Variants in SCN1A observed in about 807,000 individuals in gnomAD.
SCN1A encodes sodium voltage-gated channel alpha subunit 1.
SCN1A carries 13 observed loss-of-function variants against 193.7 expected under a neutral mutation model. The observed-to-expected ratio is 0.07, with a 90% CI of 0.04 to 0.11. The LOEUF (loss-of-function observed/expected upper bound fraction) is 0.11, where lower values mean the gene tolerates loss of function less well. Ranked by LOEUF, SCN1A falls within the 10% of genes least tolerant of loss-of-function variation. The pLI is 1.00. For synonymous variants in SCN1A, 781 were observed against 843.6 expected, an observed-to-expected ratio of 0.93 and a Z score of 1.29; for missense variants, 1,432 against 2,451.1, an observed-to-expected ratio of 0.58 and a Z score of 8.78.
chr2:166,116,878 A>G (rs1330251252), intron 2 of SCN1A, among the ~76,000 whole-genome samples: 1 of 152,190 alleles, frequency 6.6e-6, no homozygotes, highest in African/African-American at 2.4e-5. Flanking sequence ...CATATTTCTA[A>G]AAGAAAAAGA....
chr2:165,994,205 T>A lies in SCN1A; in HGVS notation c.4793A>T (p.Tyr1598Phe), dbSNP rs377325221. ...AATATTCCATCCAATGGTAAAATAATAATGGCGTAGAGAGATGAGTTTCAG... is the reference window on the plus strand; with the variant it reads ...AATATTCCATCCAATGGTAAAATAAAAATGGCGTAGAGAGATGAGTTTCAG... ...CVLKLISLRH[Y>F]YFTIGWNIFD... Residue 1598 changes from tyrosine to phenylalanine, a missense_variant, in exon 28 of 29, where the codon TAT becomes TTT. Physicochemically the swap from Tyr to Phe is conservative, Grantham distance 22. Transcript: ENST00000674923. 1.2e-5 allele frequency: 20 copies of A among 1,612,642 alleles called. No individual in the cohort carries two copies. The highest frequency in any genetic ancestry group is 1.6e-5 in the Non-Finnish European group (19 of 1,179,184).
intron 2 of SCN1A, among the ~76,000 whole-genome samples, chr2:166,090,519 G>T (rs1440194717): frequency 6.6e-6 from 1 of 152,096 alleles, no homozygotes; most frequent in Non-Finnish European, 1.5e-5. Flanking sequence ...AAGTGAAAGG[G>T]CAAATAGGAA....
At chr2:166,101,484 A>G (rs1203219138) in intron 2 of SCN1A, among the ~76,000 whole-genome samples, 2 of 131,440 alleles carry the variant, frequency 1.5e-5, no homozygotes, top group Admixed American at 1.6e-4. Context: ...CAATGTGCAC[A>G]TGTACCCTAA....
At chr2:165,997,248 G>T (rs1159782303) in intron 26 of SCN1A, among the ~76,000 whole-genome samples, 1 of 151,238 alleles carries the variant, frequency 6.6e-6, no homozygotes, top group Non-Finnish European at 1.5e-5. Flanking sequence ...ACTGGGGAAT[G>T]AATAAGTAAA....
intron 2 of SCN1A, among the ~76,000 whole-genome samples, chr2:166,084,518 G>A (rs377555331): frequency 6.6e-6 from 1 of 152,054 alleles, no homozygotes; most frequent in Non-Finnish European, 1.5e-5. Flanking sequence ...GTCAGCAATT[G>A]TCTTTTTATT....
In SCN1A at chr2:166,068,580, T is replaced by C. The variant is rs537649003; in HGVS notation, c.264+4778A>G. On this transcript the variant is annotated intron_variant, in intron 4 of 28. Transcript: ENST00000674923. ...TCCTCTTTTCTGATTTCCCGTTAAT[T>C]ACTTTTGCAAGAAAAACTCCATAAT... Among the ~76,000 whole-genome samples, 28 of 152,294 alleles carry C rather than the reference T, an allele frequency of 1.8e-4. 1 individual carries two copies. In the South Asian group the frequency reaches 5.8e-3, roughly 32 times the overall value.
intron 2 of SCN1A, among the ~76,000 whole-genome samples, chr2:166,118,141 AAAAAG>A (rs2106229580): frequency 6.6e-6 from 1 of 151,248 alleles, no homozygotes; most frequent in African/African-American, 2.4e-5. Context: ...GAATGAAAAA[AAAAAG>A]AGAGAGAGAG....
intron 2 of SCN1A, among the ~76,000 whole-genome samples, chr2:166,108,891 A>G (rs1295806849): frequency 6.6e-6 from 1 of 152,132 alleles, no homozygotes; most frequent in Non-Finnish European, 1.5e-5. Flanking sequence ...TTGCTGCACA[A>G]CTCTATAAAT....
In SCN1A at chr2:166,039,041, C is replaced by T. The variant is rs1051378340; in HGVS notation, c.2589+382G>A. ...CAGAATTAGAAAAAGTTTCTGCATG[C>T]ACATCTTACATCTGATTTTCATCCA... On this transcript the variant is annotated intron_variant, in intron 17 of 28. Transcript: ENST00000674923. Among the ~76,000 whole-genome samples, 6 of 152,148 alleles carry T rather than the reference C, an allele frequency of 3.9e-5. No homozygotes were observed. The South Asian group carries it at 8.3e-4, about 21-fold the overall frequency.
In SCN1A at chr2:166,009,671, T is replaced by G. The variant is rs189020880; in HGVS notation, c.4002+48A>C. 1.2e-5 allele frequency: 18 copies of G among 1,536,622 alleles called. No homozygotes were observed. In the Admixed American group the frequency reaches 3.6e-4, roughly 31 times the overall value. ...TTTCCTTTTTCTAAATTTAATTTAG[T>G]TTAATTTTGGCTATATACAATACTT... On this transcript the variant is annotated intron_variant, in intron 23 of 28. Transcript: ENST00000674923.
chr2:165,998,597 A>G (rs948059792), intron 25 of SCN1A, among the ~76,000 whole-genome samples: 3 of 151,356 alleles, frequency 2.0e-5, no homozygotes, highest in African/African-American at 7.3e-5. Flanking sequence ...GTTCATTCAG[A>G]TGTTTGGCAC....
intron 18 of SCN1A, among the ~76,000 whole-genome samples, chr2:166,037,381 C>G (rs888634427): frequency 6.6e-6 from 1 of 152,162 alleles, no homozygotes; most frequent in African/African-American, 2.4e-5. Flanking sequence ...CACTTTCTCT[C>G]TACTTTTTTT....
At chr2:166,058,358 T>C (rs561659382) in intron 5 of SCN1A, among the ~76,000 whole-genome samples, 1 of 152,112 alleles carries the variant, frequency 6.6e-6, no homozygotes, top group South Asian at 2.1e-4. Flanking sequence ...TACATGTTTA[T>C]ATATAATATA....
At chr2:166,093,703 T>G (rs1213401539) in intron 2 of SCN1A, among the ~76,000 whole-genome samples, 1 of 152,180 alleles carries the variant, frequency 6.6e-6, no homozygotes, top group Admixed American at 6.5e-5. Context: ...CTTTATGTTT[T>G]GAATACAAGT....
chr2:166,106,867 T>TA (rs1688751340), intron 2 of SCN1A, among the ~76,000 whole-genome samples: 1 of 151,966 alleles, frequency 6.6e-6, no homozygotes, highest in Admixed American at 6.6e-5. Context: ...TGACAAAGAG[T>TA]AACGTTATGC....
chr2:166,016,477 CAAT>C (rs1327039426), intron 19 of SCN1A: 11 of 151,958 alleles, frequency 7.2e-5, no homozygotes, highest in African/African-American at 2.4e-4. Context: ...ACAACAACAA[CAAT>C]AACAATATCC....
intron 21 of SCN1A, among the ~76,000 whole-genome samples, chr2:166,012,512 T>G (rs1692631774): frequency 6.6e-6 from 1 of 150,880 alleles, no homozygotes; most frequent in East Asian, 1.9e-4. Flanking sequence ...TTAATTTGAC[T>G]TAGTCAGGAA....
At chr2:166,108,824 T>G (rs1688980288) in intron 2 of SCN1A, among the ~76,000 whole-genome samples, 1 of 152,124 alleles carries the variant, frequency 6.6e-6, no homozygotes. Flanking sequence ...TGACTACAAG[T>G]GGGCATCAAG....
chr2:165,991,347 G>A lies in SCN1A; in HGVS notation c.5928C>T (p.Thr1976=). The A allele has an allele frequency of 1.2e-6, 2 of 1,613,238 alleles. No individual in the cohort carries two copies. The highest frequency in any genetic ancestry group is 1.7e-6 in the Non-Finnish European group (2 of 1,179,750). ...ENSITEKTDL[T]MSTAACPPSY... ...AAGGTGGACAAGCTGCAGTGGACAT[G>A]GTCAGATCAGTTTTTTCTGTAATAG... Residue 1976 remains threonine, a synonymous_variant, in exon 29 of 29, where the codon ACC becomes ACT. Coordinates refer to ENST00000674923, the MANE Select transcript of SCN1A (RefSeq NM_001165963.4).
Sources: gnomAD v4.1 joint callset for allele counts (sites outside exome capture counted in the v4.1 genomes callset) on GRCh38, gnomAD v4.1.1 for gene constraint, MANE v1.5 for transcripts, NCBI Gene and HGNC (gene_info 2026-07-23, HGNC 2026-07-21) for gene names.